Variants in MTHFD2L observed in about 807,000 individuals in gnomAD.
MTHFD2L encodes the protein methylenetetrahydrofolate dehydrogenase (NADP+ dependent) 2 like, also known as bifunctional methylenetetrahydrofolate dehydrogenase/cyclohydrolase 2, mitochondrial.
A neutral mutation model predicts 34.9 loss-of-function variants in MTHFD2L; 29 were observed. That is an observed-to-expected ratio of 0.83 (90% CI 0.62 to 1.13). The LOEUF is 1.13. Among genes scored for constraint, MTHFD2L ranks in the 50% most tolerant of loss-of-function variants. The pLI, the probability that MTHFD2L is intolerant of heterozygous loss-of-function variation, is 0.00. For missense variants in MTHFD2L, 481 were observed against 446.5 expected (o/e 1.08, Z -0.70); for synonymous variants, 167 against 155.7 (o/e 1.07, Z -0.54).
At chr4:74,167,047 A>T (rs1035235155) in intron 1 of MTHFD2L, among the ~76,000 whole-genome samples, 2 of 152,186 alleles carry the variant, frequency 1.3e-5, no homozygotes, top group African/African-American at 4.8e-5. Context: ...GATGGCCCCT[A>T]TGAACCTAGG....
intron 5 of MTHFD2L, among the ~76,000 whole-genome samples, chr4:74,215,893 G>T (rs1737132504): frequency 6.6e-6 from 1 of 151,296 alleles, no homozygotes; most frequent in Non-Finnish European, 1.5e-5. Flanking sequence ...TACGTTTGGT[G>T]AATTTATTTA....
intron 1 of MTHFD2L, among the ~76,000 whole-genome samples, chr4:74,171,713 G>C (rs187903064): frequency 6.6e-6 from 1 of 152,300 alleles, no homozygotes; most frequent in African/African-American, 2.4e-5. Context: ...TGAGGCATCA[G>C]AATCATTTGA....
chr4:74,291,248 C>T (rs1478074306), intron 7 of MTHFD2L, among the ~76,000 whole-genome samples: 1 of 151,648 alleles, frequency 6.6e-6, no homozygotes, highest in Admixed American at 6.6e-5. Flanking sequence ...ATCTCCTGAC[C>T]TCGTGATTTG....
chr4:74,118,656 A>T (rs484608), upstream of MTHFD2L, among the ~76,000 whole-genome samples: 1 of 152,196 alleles, frequency 6.6e-6, no homozygotes, highest in Non-Finnish European at 1.5e-5. Context: ...AGATGCAACC[A>T]CACAGAGAAA....
intron 5 of MTHFD2L, among the ~76,000 whole-genome samples, chr4:74,204,773 T>C (rs1431253740): frequency 6.6e-6 from 1 of 152,176 alleles, no homozygotes; most frequent in African/African-American, 2.4e-5. Flanking sequence ...GAATTAAACA[T>C]TTTAATTTAT....
At chr4:74,275,044 C>T (rs1368592721) in intron 6 of MTHFD2L, among the ~76,000 whole-genome samples, 1 of 152,106 alleles carries the variant, frequency 6.6e-6, no homozygotes, top group African/African-American at 2.4e-5. Flanking sequence ...CTGCACCTAT[C>T]AACGCATCAC....
At chr4:74,164,667 A>G (rs1560431887) in intron 1 of MTHFD2L, among the ~76,000 whole-genome samples, 1 of 152,226 alleles carries the variant, frequency 6.6e-6, no homozygotes. Flanking sequence ...TAGATGAAGA[A>G]ATTGCATGCC....
chr4:74,117,725 G>C (rs912619860), intron 2 of MTHFD2L, among the ~76,000 whole-genome samples: 1 of 152,140 alleles, frequency 6.6e-6, no homozygotes, highest in African/African-American at 2.4e-5. Flanking sequence ...GCAGGCCCAG[G>C]GTTTCTAAAG....
intron 6 of MTHFD2L, among the ~76,000 whole-genome samples, chr4:74,256,155 C>T (rs1743999206): frequency 6.6e-6 from 1 of 152,160 alleles, no homozygotes; most frequent in African/African-American, 2.4e-5. Flanking sequence ...CCAGCCTCAC[C>T]AGCATCTGTT....
At chr4:74,207,766 C>CTTTTTTTTTTTTTTTTTTTTTT (rs768932793) in intron 5 of MTHFD2L, among the ~76,000 whole-genome samples, 1 of 128,476 alleles carries the variant, frequency 7.8e-6, no homozygotes, top group African/African-American at 3.1e-5. Context: ...TGAAAAAGAA[C>CTTTTTTTTTTTTTTTTTTTTTT]TTTTTTTTTT....
Position 74,288,856 on chromosome 4 carries a change from T to C in MTHFD2L, c.931+7306T>C, listed in dbSNP as rs564189900. On this transcript the variant is annotated intron_variant, in intron 7 of 7. Transcript: ENST00000325278. ...TTTATTATTCAATCATTGATATAGA[T>C]TTGATACTTTTTGACCATGTTATAC... is the stretch of plus-strand genomic sequence containing the variant. Among the ~76,000 whole-genome samples, 5 of 152,324 alleles carry C rather than the reference T, an allele frequency of 3.3e-5. No individual in the cohort carries two copies. In the South Asian group the frequency reaches 6.2e-4, roughly 19 times the overall value.
intron 7 of MTHFD2L, among the ~76,000 whole-genome samples, chr4:74,282,534 A>G (rs1376908078): frequency 6.6e-6 from 1 of 152,134 alleles, no homozygotes; most frequent in Non-Finnish European, 1.5e-5. Flanking sequence ...TGTTGAATAA[A>G]ATAGAAAATG....
At chr4:74,189,260 C>T (rs2110015073) in intron 3 of MTHFD2L, among the ~76,000 whole-genome samples, 1 of 152,102 alleles carries the variant, frequency 6.6e-6, no homozygotes, top group South Asian at 2.1e-4. Flanking sequence ...AAAAAATACC[C>T]AATATTTTGT....
intron 6 of MTHFD2L, among the ~76,000 whole-genome samples, chr4:74,244,326 G>A (rs541210679): frequency 6.6e-6 from 1 of 152,284 alleles, no homozygotes; most frequent in Non-Finnish European, 1.5e-5. Context: ...TGCAGGAAAT[G>A]GGTCAGAGTG....
intron 1 of MTHFD2L, among the ~76,000 whole-genome samples, chr4:74,135,467 C>T (rs1395814748): frequency 6.6e-6 from 1 of 151,998 alleles, no homozygotes; most frequent in Admixed American, 6.6e-5. Context: ...AATAGAAAAC[C>T]TCAATAAGCC....
At chr4:74,271,523 G>C (rs10938112) in intron 6 of MTHFD2L, among the ~76,000 whole-genome samples, 36,259 of 151,052 alleles carry the variant, frequency 0.24, 3,871 homozygotes, top group African/African-American at 0.29. Flanking sequence ...CTGTTCCATT[G>C]GTCTATATCT....
At chr4:74,151,978 CTT>C (rs1180521089) in intron 1 of MTHFD2L, among the ~76,000 whole-genome samples, 7 of 152,072 alleles carry the variant, frequency 4.6e-5, no homozygotes, top group Non-Finnish European at 8.8e-5. Context: ...ATCAAATACT[CTT>C]TCTCTTATTT....
chr4:74,159,288 CAG>C (rs1183556320), intron 1 of MTHFD2L, among the ~76,000 whole-genome samples: 31 of 152,296 alleles, frequency 2.0e-4, no homozygotes, highest in Middle Eastern at 6.8e-3. Context: ...GAGAAAATAA[CAG>C]TGAATCAGAG....
At chr4:74,238,650 A>G (rs1341751161) in intron 6 of MTHFD2L, among the ~76,000 whole-genome samples, 2 of 152,172 alleles carry the variant, frequency 1.3e-5, no homozygotes, top group Non-Finnish European at 2.9e-5. Context: ...TACAAGAAAA[A>G]AACAACCCCA....
Sources: gnomAD v4.1 joint callset for allele counts (sites outside exome capture counted in the v4.1 genomes callset) on GRCh38, gnomAD v4.1.1 for gene constraint, MANE v1.5 for transcripts, NCBI Gene and HGNC (gene_info 2026-07-23, HGNC 2026-07-21) for gene names.